ARIH2: variants seen among roughly 807,000 people sequenced by gnomAD.
ARIH2 encodes the protein ariadne RBR E3 ubiquitin protein ligase 2, also known as E3 ubiquitin-protein ligase ARIH2.
ARIH2 carries 12 observed loss-of-function variants against 79.8 expected under a neutral mutation model. That is an observed-to-expected ratio of 0.15 (90% CI 0.10 to 0.24). The LOEUF is 0.24. ARIH2 is among the 10% of genes least tolerant of loss of function. The pLI is 1.00. For synonymous variants in ARIH2, 224 were observed against 213.9 expected, an observed-to-expected ratio of 1.05 and a Z score of -0.41; for missense variants, 301 against 618.3, an observed-to-expected ratio of 0.49 and a Z score of 5.44.
chr3:48,940,699 G>A (rs1164268942), intron 3 of ARIH2, among the ~76,000 whole-genome samples: 7 of 151,034 alleles, frequency 4.6e-5, no homozygotes, highest in Non-Finnish European at 7.4e-5. Flanking sequence ...GGAGGCTGAG[G>A]CAGGAGAATT....
At chr3:48,950,530 A>G (rs1363453959) in intron 3 of ARIH2, among the ~76,000 whole-genome samples, 4 of 152,126 alleles carry the variant, frequency 2.6e-5, no homozygotes. Flanking sequence ...TTACATTTCT[A>G]CAGATTTTGC....
chr3:48,945,066 A>G, intron 3 of ARIH2: 1 of 1,254,640 alleles, frequency 8.0e-7, no homozygotes, highest in Non-Finnish European at 1.0e-6. Context: ...ATGTAGCCTT[A>G]AAAGATTTCA....
At chr3:48,919,363 C>G in intron 1 of ARIH2, 4 of 525,610 alleles carry the variant, frequency 7.6e-6, no homozygotes, top group Non-Finnish European at 1.2e-5. Flanking sequence ...GCTGCCCGCG[C>G]GGTTTAACGC....
rs775632661 is a variant in ARIH2, at chr3:48,970,646, C to T, written c.712C>T (p.Arg238Trp). 24 of 1,613,964 alleles carry T rather than the reference C, an allele frequency of 1.5e-5. No individual in the cohort carries two copies. The highest frequency in any genetic ancestry group is 1.2e-4 in the Admixed American group (7 of 59,986). Reference protein sequence around the residue: ...CPGADCPMVIRVQEPRARRVQ... With the variant: ...CPGADCPMVIWVQEPRARRVQ... ...TGGTGCAGACTGCCCCATGGTTATT[C>T]GGGTACAGGAGCCTAGAGCTCGCCG... The change falls in exon 8 of 16, where the codon CGG (arginine) becomes TGG (tryptophan). Residue 238 changes from arginine (R) to tryptophan (W), a missense_variant. Arg to Trp is a moderately radical substitution (Grantham distance 101, BLOSUM62 -3). Transcript: ENST00000356401.
chr3:48,978,760 G>A (rs959724878), intron 11 of ARIH2, among the ~76,000 whole-genome samples: 14 of 151,504 alleles, frequency 9.2e-5, no homozygotes, highest in African/African-American at 2.2e-4. Context: ...GGGGGTTCTC[G>A]AGACCAGCCT....
chr3:48,936,899 G>A (rs1014960635), intron 3 of ARIH2, among the ~76,000 whole-genome samples: 1 of 150,864 alleles, frequency 6.6e-6, no homozygotes, highest in African/African-American at 2.4e-5. Flanking sequence ...ATGGTGGCAG[G>A]CGCCTATAGT....
At chr3:48,954,198 G>A (rs1305424632) in intron 3 of ARIH2, among the ~76,000 whole-genome samples, 2 of 151,988 alleles carry the variant, frequency 1.3e-5, no homozygotes, top group South Asian at 2.1e-4. Flanking sequence ...GCTCACGCCT[G>A]TAATCCGAGC....
At chr3:48,943,785 T>C (rs909189583) in intron 3 of ARIH2, among the ~76,000 whole-genome samples, 2 of 152,134 alleles carry the variant, frequency 1.3e-5, no homozygotes, top group Non-Finnish European at 2.9e-5. Flanking sequence ...AGTACCCTCC[T>C]TTTGGAGAAG....
At chr3:48,919,990 T>C (rs2084566255) in intron 1 of ARIH2, among the ~76,000 whole-genome samples, 1 of 151,658 alleles carries the variant, frequency 6.6e-6, no homozygotes, top group East Asian at 1.9e-4. Context: ...TTTTTTTTTT[T>C]TTTTGGTGGG....
At chr3:48,926,175 C>T (rs984023117) in intron 2 of ARIH2, among the ~76,000 whole-genome samples, 2 of 151,998 alleles carry the variant, frequency 1.3e-5, no homozygotes, top group Non-Finnish European at 2.9e-5. Context: ...ATTCTCTTTT[C>T]GTTTATATGT....
intron 3 of ARIH2, among the ~76,000 whole-genome samples, chr3:48,947,152 C>A (rs2089277004): frequency 6.6e-6 from 1 of 152,022 alleles, no homozygotes; most frequent in African/African-American, 2.4e-5. Flanking sequence ...TCAAGAAAGC[C>A]AGAGAAGGCC....
At position 48,918,882 on chromosome 3, in the gene ARIH2, C is replaced by A. The variant is rs775734914; in HGVS notation, c.-278C>A. 1.2e-6 allele frequency: 2 copies of A among 1,607,892 alleles called. No homozygotes were observed. The highest frequency in any genetic ancestry group is 1.7e-6 in the Non-Finnish European group (2 of 1,178,952). ...ACTCTTCTGGAGGAAGCAGCGCGGG[C>A]TTGACCGGCGTCGGCCCGCCGCCTC... On this transcript the variant is annotated 5_prime_UTR_variant, in exon 1 of 16. Coordinates refer to ENST00000356401, the MANE Select transcript of ARIH2 (RefSeq NM_006321.4).
chr3:48,944,564 G>A (rs1311497464), intron 3 of ARIH2, among the ~76,000 whole-genome samples: 1 of 152,142 alleles, frequency 6.6e-6, no homozygotes, highest in African/African-American at 2.4e-5. Flanking sequence ...AAAGTGGAAT[G>A]GGCAAAGTTA....
At chr3:48,961,244 G>A (rs769047415) in intron 3 of ARIH2, among the ~76,000 whole-genome samples, 8 of 152,098 alleles carry the variant, frequency 5.3e-5, no homozygotes, top group Admixed American at 1.3e-4. Context: ...TGCTTCCGGC[G>A]TACAACCTCC....
At position 48,949,038 on chromosome 3, in the gene ARIH2, G is replaced by A. The variant is rs1460827278; in HGVS notation, c.256-12574G>A. On this transcript the variant is annotated intron_variant, in intron 3 of 15. Coordinates refer to ENST00000356401, the MANE Select transcript of ARIH2 (RefSeq NM_006321.4). ...CCATTCATGGCCAGGGCTTAATATA[G>A]CCATGTGTTTTCATTTCTCTTGTAT... 3 of 456,646 alleles carry A rather than the reference G, an allele frequency of 6.6e-6. No homozygotes were observed. The Admixed American group carries it at 7.0e-5, about 11-fold the overall frequency. The allele number at this position is 456,646 out of a possible 1,614,324, so 28.3% of individuals were successfully genotyped here.
rs532302802 is a variant in ARIH2, at chr3:48,945,357, T to TGG, written c.256-16252_256-16251dup. On this transcript the variant is annotated intron_variant, in intron 3 of 15. Coordinates refer to ENST00000356401, the MANE Select transcript of ARIH2 (RefSeq NM_006321.4). ...CACTGATCACGTTCATGGATATCCT[T>TGG]GGGGAACTGTTGTCAGGAGCAGGGG... is the stretch of plus-strand genomic sequence containing the variant. Among the ~76,000 whole-genome samples, 434 of 152,310 alleles carry TGG rather than the reference T, an allele frequency of 2.8e-3. 4 individuals are homozygous for TGG. Among genetic ancestry groups the TGG allele is most frequent in the African/African-American group, 9.9e-3 (412 of 41,554 alleles).
chr3:48,985,704 G>C lies in ARIH2; in HGVS notation c.*2434G>C, dbSNP rs1177343109. On this transcript the variant is annotated 3_prime_UTR_variant, in exon 16 of 16. Transcript: ENST00000356401. ...TCGGCTCTGTTTTCCCTTTCTGGCTGTTGGGGGAGAGGGCACCTGTAAGTG... is the reference window on the plus strand; with the variant it reads ...TCGGCTCTGTTTTCCCTTTCTGGCTCTTGGGGGAGAGGGCACCTGTAAGTG... The C allele has an allele frequency of 6.6e-6, 1 of 152,242 alleles. No homozygotes were observed. Among genetic ancestry groups the C allele is most frequent in the Non-Finnish European group, 1.5e-5 (1 of 68,066 alleles). The allele number at this position is 152,242 out of a possible 1,614,324, so 9.4% of individuals were successfully genotyped here.
chr3:48,948,920 G>T, intron 3 of ARIH2: 1 of 353,928 alleles, frequency 2.8e-6, no homozygotes, highest in South Asian at 2.2e-5. Context: ...TCCATTGTAT[G>T]GATATGCCAC....
intron 3 of ARIH2, among the ~76,000 whole-genome samples, chr3:48,928,725 T>G (rs2085967371): frequency 6.6e-6 from 1 of 152,110 alleles, no homozygotes; most frequent in Admixed American, 6.6e-5. Context: ...TCTACTAGTT[T>G]AGGGATTTTT....
Sources: allele counts gnomAD v4.1 joint callset (sites outside exome capture counted in the v4.1 genomes callset), GRCh38; gene constraint gnomAD v4.1.1; transcripts MANE v1.5; gene names NCBI Gene and HGNC (gene_info 2026-07-23, HGNC 2026-07-21).